COL6A3: variants seen among roughly 807,000 people sequenced by gnomAD.
The protein encoded by COL6A3 is collagen alpha-3(VI) chain.
Under a neutral mutation model 274.1 loss-of-function variants are expected in COL6A3, and 137 were observed. That is an observed-to-expected ratio of 0.50 (90% confidence interval 0.44 to 0.58). COL6A3 has a LOEUF of 0.58. COL6A3 is among the 20% of genes least tolerant of loss of function. The pLI is 0.00. For synonymous variants in COL6A3, 1,650 were observed against 1,650.6 expected, an observed-to-expected ratio of 1.00 and a Z score of 0.01; for missense variants, 3,950 against 4,124.9, an observed-to-expected ratio of 0.96 and a Z score of 1.16.
rs767654047 is a variant in COL6A3 at position 237,388,029 on chromosome 2, C to A, written c.865G>T (p.Glu289Ter). 2 of 1,614,204 alleles carry A rather than the reference C, an allele frequency of 1.2e-6. No homozygotes were observed. Among genetic ancestry groups the A allele is most frequent in the Non-Finnish European group, 8.5e-7 (1 of 1,180,032 alleles). The change falls in exon 4 of 44, where the codon GAG becomes TAG. Residue 289 changes from glutamate (E) to a stop codon, truncating the protein, a stop_gained. Coordinates refer to ENST00000295550, the MANE Select transcript of COL6A3 (RefSeq NM_004369.4). LOFTEE classifies it high-confidence loss of function. The part of the protein sequence containing the change: ...IRVGVVQFSD[E>*]PRTMFSLDTY... Reference sequence around the variant, plus strand: ...TCCAAGGAGAACATGGTTCTGGGCTCATCGCTAAACTGGACCACCCCCACT... The same window carrying A: ...TCCAAGGAGAACATGGTTCTGGGCTAATCGCTAAACTGGACCACCCCCACT...
In COL6A3 at chr2:237,405,179, T is replaced by G. The variant is rs185318351; in HGVS notation, c.-30-8332A>C. Reference sequence around the variant, plus strand: ...TGATTCAGAACCCATATGGTTTGACTGAGCTGAATTCCCAGGTGGGAAAAA... The same window carrying G: ...TGATTCAGAACCCATATGGTTTGACGGAGCTGAATTCCCAGGTGGGAAAAA... On this transcript the variant is annotated intron_variant, in intron 1 of 43. Coordinates refer to ENST00000295550, the MANE Select transcript of COL6A3 (RefSeq NM_004369.4). Among the ~76,000 whole-genome samples the G allele has an allele frequency of 2.4e-3, 371 of 152,264 alleles. 27 individuals carry two copies. The South Asian group carries it at 0.075, about 31-fold the overall frequency.
chr2:237,394,507 G>A (rs555272186), intron 3 of COL6A3, 80 bp downstream of exon 3: 3 of 1,588,242 alleles, frequency 1.9e-6, no homozygotes, highest in East Asian at 2.2e-5. Context: ...CATCCTAGCT[G>A]TTGCTTTAAG....
intron 21 of COL6A3, 21 bp downstream of exon 21, chr2:237,358,500 C>G (rs767039478): frequency 1.0e-4 from 168 of 1,606,822 alleles, no homozygotes; most frequent in Non-Finnish European, 1.2e-4. Context: ...GGTCTGAAAT[C>G]GTCAATAAAG....
At chr2:237,406,561 C>G (rs1276067827) in intron 1 of COL6A3, among the ~76,000 whole-genome samples, 1 of 152,182 alleles carries the variant, frequency 6.6e-6, no homozygotes, top group African/African-American at 2.4e-5. Context: ...ATTTGAGGCA[C>G]TCATCCACCC....
intron 4 of COL6A3, among the ~76,000 whole-genome samples, chr2:237,385,031 C>T (rs1012475068): frequency 1.3e-5 from 2 of 152,138 alleles, no homozygotes; most frequent in Non-Finnish European, 2.9e-5. Context: ...CTGCTCTCCG[C>T]ATGCTCATCT....
rs2077187071 is a variant in COL6A3, at chr2:237,350,683, A to G, written c.6816+447T>C. Among the ~76,000 whole-genome samples the G allele has an allele frequency of 2.0e-5, 3 of 152,222 alleles. 1 individual carries two copies. Among genetic ancestry groups the G allele is most frequent in the African/African-American group, 7.2e-5 (3 of 41,456 alleles). ...AGACTTGCTGTTATCCAGGACAGTC[A>G]GGGTCGGGGCTCTTGGATGATCTAA... On this transcript the variant is annotated intron_variant, in intron 27 of 43. Coordinates refer to ENST00000295550, the MANE Select transcript of COL6A3 (RefSeq NM_004369.4).
intron 42 of COL6A3, 91 bp downstream of exon 42, chr2:237,333,359 G>A: frequency 2.5e-6 from 3 of 1,207,178 alleles, no homozygotes; most frequent in Non-Finnish European, 3.7e-6. Flanking sequence ...AGTCATGCCT[G>A]GGCTAAGACT....
At chr2:237,412,085 G>T (rs967985353) in intron 1 of COL6A3, among the ~76,000 whole-genome samples, 3 of 152,176 alleles carry the variant, frequency 2.0e-5, no homozygotes, top group Non-Finnish European at 4.4e-5. Flanking sequence ...CTAAACCTCT[G>T]GGTAGCAAGA....
chr2:237,396,620 C>G, intron 2 of COL6A3, 107 bp downstream of exon 2: 1 of 1,134,098 alleles, frequency 8.8e-7, no homozygotes, highest in Non-Finnish European at 1.3e-6. Flanking sequence ...AATGGCTTAG[C>G]TACCTTAAGA....
chr2:237,379,009 C>T lies in COL6A3; in HGVS notation c.2124G>A (p.Gln708=). The change falls in exon 6 of 44, where the codon CAG becomes CAA. Residue 708 remains glutamine, a synonymous_variant. Transcript: ENST00000295550. The part of the protein sequence containing the change: ...TKSDILGHLR[Q]LQLQGGSGLN... ...GGCCCGAACCTCCCTGGAGCTGCAGCTGCCTCAGATGACCAAGGATATCTG... is the reference window on the plus strand; with the variant it reads ...GGCCCGAACCTCCCTGGAGCTGCAGTTGCCTCAGATGACCAAGGATATCTG... The T allele has an allele frequency of 6.2e-7, 1 of 1,614,216 alleles. No individual in the cohort carries two copies.
At chr2:237,360,981 T>A in intron 16 of COL6A3, 140 bp downstream of exon 16, 2 of 762,546 alleles carry the variant, frequency 2.6e-6, no homozygotes. Context: ...GCAAAGTTGT[T>A]AAGAAAAGTA....
At chr2:237,324,887 AC>A in intron 43 of COL6A3, 73 bp from the exon 44 acceptor site, 2 of 1,484,232 alleles carry the variant, frequency 1.3e-6, no homozygotes, top group Non-Finnish European at 9.4e-7. Flanking sequence ...CACATTACTG[AC>A]CCAAAAGGGC....
intron 42 of COL6A3, 200 bp downstream of exon 42, chr2:237,333,250 T>G (rs1700357033): frequency 1.6e-6 from 1 of 624,722 alleles, no homozygotes; most frequent in Admixed American, 2.5e-5. Flanking sequence ...TCACTGAGTC[T>G]GATCACAGGT....
intron 22 of COL6A3, 22 bp downstream of exon 22, chr2:237,357,795 C>T: frequency 6.2e-7 from 1 of 1,612,954 alleles, no homozygotes; most frequent in Middle Eastern, 1.7e-4. Flanking sequence ...CAGGGAGAGT[C>T]TAGGAATGTG....
In COL6A3 at chr2:237,344,923, TC is replaced by T; in HGVS notation, c.7174+17del. On this transcript the variant is annotated intron_variant, in intron 35 of 43. Transcript: ENST00000295550. This position sits in a 1 kb window ranked among gnomAD's most constrained non-coding sequence, Gnocchi z 4.8. ...GAGGCTTCCTTTCCTTAGGAGAAAGTCACCAAAATCAACTTACCGTAACAGC... is the reference window on the plus strand; with the variant it reads ...GAGGCTTCCTTTCCTTAGGAGAAAGTACCAAAATCAACTTACCGTAACAGC... 6.2e-7 allele frequency: 1 copy of T among 1,613,938 alleles called. No homozygotes were observed. Among genetic ancestry groups the T allele is most frequent in the Non-Finnish European group, 8.5e-7 (1 of 1,180,012 alleles).
intron 3 of COL6A3, among the ~76,000 whole-genome samples, chr2:237,391,971 G>A (rs2078300348): frequency 6.6e-6 from 1 of 152,152 alleles, no homozygotes; most frequent in Non-Finnish European, 1.5e-5. Flanking sequence ...GGTTTGGGGT[G>A]CTCTTGGAGA....
chr2:237,342,223 T>C, intron 36 of COL6A3, 62 bp from the exon 37 acceptor site: 1 of 1,290,424 alleles, frequency 7.7e-7, no homozygotes, highest in Non-Finnish European at 1.1e-6. Flanking sequence ...TCTGAAAATA[T>C]GGCAGAGGAG....
chr2:237,338,839 A>C (rs887552324), intron 39 of COL6A3, 176 bp downstream of exon 39: 2 of 596,342 alleles, frequency 3.4e-6, no homozygotes, highest in South Asian at 2.0e-5. Context: ...AGCTTGTTAC[A>C]TGGCAAAAGC....
At chr2:237,389,709 G>T (rs1446958622) in intron 3 of COL6A3, among the ~76,000 whole-genome samples, 1 of 152,140 alleles carries the variant, frequency 6.6e-6, no homozygotes. Context: ...ATACAAGAAA[G>T]TTCCTAACAA....
Sources: allele counts gnomAD v4.1 joint callset (sites outside exome capture counted in the v4.1 genomes callset), GRCh38; gene constraint gnomAD v4.1.1; non-coding constraint Gnocchi (gnomAD v3.1); transcripts MANE v1.5; gene names NCBI Gene and HGNC (gene_info 2026-07-23, HGNC 2026-07-21).